Variants in CEMIP2 observed in about 807,000 individuals in gnomAD.
CEMIP2 encodes the protein cell migration inducing hyaluronidase 2.
In CEMIP2, 79 loss-of-function variants were observed where a neutral mutation model predicts 146.9. That is an observed-to-expected ratio of 0.54 (90% CI 0.45 to 0.65). The LOEUF is 0.65. Among genes scored for constraint, CEMIP2 ranks in the 30% least tolerant of loss-of-function variants. The pLI is 0.00. For missense variants in CEMIP2, 1,596 were observed against 1,696.2 expected (o/e 0.94, Z 1.04); for synonymous variants, 601 against 606.3 (o/e 0.99, Z 0.13).
chr9:71,759,872 G>A (rs1417678968), intron 1 of CEMIP2, among the ~76,000 whole-genome samples: 1 of 151,838 alleles, frequency 6.6e-6, no homozygotes, highest in Admixed American at 6.6e-5. Flanking sequence ...TGTAGTAGGG[G>A]AAAAGTCTCT....
At position 71,742,105 on chromosome 9, in the gene CEMIP2, A is replaced by C. The variant is rs368464653; in HGVS notation, c.1035-1873T>G. ...ATGTCAACTTCCCACTCTAGAAAAA[A>C]AATAACAAATGTAATCTGTGTCTGA... On this transcript the variant is annotated intron_variant, in intron 4 of 23. Transcript: ENST00000377044. 8.5e-5 allele frequency among the ~76,000 whole-genome samples: 13 copies of C among 152,338 alleles called. No homozygotes were observed. The East Asian group carries it at 9.6e-4, about 11-fold the overall frequency.
intron 17 of CEMIP2, among the ~76,000 whole-genome samples, chr9:71,707,418 C>A (rs1490591125): frequency 6.6e-6 from 1 of 151,936 alleles, no homozygotes; most frequent in Non-Finnish European, 1.5e-5. Flanking sequence ...CTAAAATAAA[C>A]CAGAAAGTCT....
intron 5 of CEMIP2, among the ~76,000 whole-genome samples, chr9:71,736,380 T>C (rs1223646492): frequency 6.6e-6 from 1 of 152,148 alleles, no homozygotes; most frequent in African/African-American, 2.4e-5. Flanking sequence ...GCAGGGTACA[T>C]TATTTACGTA....
intron 4 of CEMIP2, among the ~76,000 whole-genome samples, chr9:71,740,738 T>C (rs892774807): frequency 6.6e-6 from 1 of 152,226 alleles, no homozygotes; most frequent in Non-Finnish European, 1.5e-5. Context: ...ATTTGTAGTT[T>C]GCAATAATTT....
chr9:71,721,439 T>A (rs10117579), intron 12 of CEMIP2, among the ~76,000 whole-genome samples: 1 of 152,128 alleles, frequency 6.6e-6, no homozygotes, highest in African/African-American at 2.4e-5. Flanking sequence ...CACAGTTTCT[T>A]GGTTTCTCAA....
At chr9:71,738,416 G>T (rs1186035503) in intron 5 of CEMIP2, among the ~76,000 whole-genome samples, 1 of 152,092 alleles carries the variant, frequency 6.6e-6, no homozygotes, top group African/African-American at 2.4e-5. Context: ...TTGGGAGCCT[G>T]AGGCAGGAGA....
At chr9:71,737,941 G>A (rs546517069) in intron 5 of CEMIP2, among the ~76,000 whole-genome samples, 1 of 152,096 alleles carries the variant, frequency 6.6e-6, no homozygotes, top group African/African-American at 2.4e-5. Flanking sequence ...CAAAACAACC[G>A]TGAGAGACAG....
chr9:71,685,822 T>A lies in CEMIP2; in HGVS notation c.3876A>T (p.Arg1292Ser). The A allele has an allele frequency of 6.2e-7, 1 of 1,614,032 alleles. No homozygotes were observed. Among genetic ancestry groups the A allele is most frequent in the South Asian group, 1.1e-5 (1 of 91,082 alleles). The part of the protein sequence containing the change: ...PPRSIVLLST[R>S]GEIKQLNISH... ...AAATGTTTAACTGCTTTATTTCTCC[T>A]CTTGTGCTCAACAGAACAATGGACC... Residue 1292 changes from arginine (R) to serine (S), a missense_variant, in exon 23 of 24, where the codon AGA becomes AGT. Arg to Ser is a moderately radical substitution (Grantham distance 110). Coordinates refer to ENST00000377044, the MANE Select transcript of CEMIP2 (RefSeq NM_013390.3).
At chr9:71,744,712 T>C (rs1206774993) in intron 4 of CEMIP2, among the ~76,000 whole-genome samples, 2 of 152,190 alleles carry the variant, frequency 1.3e-5, no homozygotes, top group Non-Finnish European at 2.9e-5. Flanking sequence ...GGAAGAAGTA[T>C]CTTCAGAGGC....
chr9:71,750,399 A>G lies in CEMIP2; in HGVS notation c.-12-14T>C, dbSNP rs1001094244. ...GATACACTGTTACTGTGAAAAGAAAAAAAAATTAAGCTTCAGTATGTGTAA... is the reference window on the plus strand; with the variant it reads ...GATACACTGTTACTGTGAAAAGAAAGAAAAATTAAGCTTCAGTATGTGTAA... On this transcript the variant is annotated splice_polypyrimidine_tract_variant and intron_variant, in intron 1 of 23. Coordinates refer to ENST00000377044, the MANE Select transcript of CEMIP2 (RefSeq NM_013390.3). 1.3e-6 allele frequency: 2 copies of G among 1,527,090 alleles called. No homozygotes were observed. The highest frequency in any genetic ancestry group is 1.8e-6 in the Non-Finnish European group (2 of 1,136,502). 94.6% of individuals were successfully genotyped at this position (1,527,090 alleles called of 1,614,324 possible).
rs752365090 is a variant in CEMIP2, at chr9:71,745,008, G to A, written c.1034+10C>T. Reference sequence around the variant, plus strand: ...ACTCTGATAGGGATCTGGGAAGAAGGTATGCCTACCTGTAGCCCAGTCCTT... The same window carrying A: ...ACTCTGATAGGGATCTGGGAAGAAGATATGCCTACCTGTAGCCCAGTCCTT... On this transcript the variant is annotated intron_variant, in intron 4 of 23. Coordinates refer to ENST00000377044, the MANE Select transcript of CEMIP2 (RefSeq NM_013390.3). 1.8e-5 allele frequency: 29 copies of A among 1,609,426 alleles called. No homozygotes were observed. In the South Asian group the frequency reaches 2.3e-4, roughly 13 times the overall value.
At chr9:71,761,358 G>A (rs1313898705) in intron 1 of CEMIP2, among the ~76,000 whole-genome samples, 2 of 152,218 alleles carry the variant, frequency 1.3e-5, no homozygotes, top group African/African-American at 4.8e-5. Context: ...GCAAAGACCT[G>A]CCAAAGTTCA....
intron 21 of CEMIP2, among the ~76,000 whole-genome samples, chr9:71,693,959 C>G (rs1160247110): frequency 6.6e-6 from 1 of 152,150 alleles, no homozygotes; most frequent in African/African-American, 2.4e-5. Context: ...GAGAGAGACC[C>G]CTGGACCGTT....
intron 1 of CEMIP2, among the ~76,000 whole-genome samples, chr9:71,757,072 A>C (rs1232159814): frequency 6.6e-6 from 1 of 152,198 alleles, no homozygotes; most frequent in Non-Finnish European, 1.5e-5. Flanking sequence ...TATCACTTAC[A>C]TGGTGGTTGA....
At chr9:71,717,393 GA>G (rs34688485) in intron 13 of CEMIP2, among the ~76,000 whole-genome samples, 1 of 149,828 alleles carries the variant, frequency 6.7e-6, no homozygotes, top group East Asian at 2.0e-4. Context: ...TTCAGTGCCA[GA>G]AAAAAAAATA....
intron 16 of CEMIP2, among the ~76,000 whole-genome samples, chr9:71,710,400 T>A (rs1411550883): frequency 6.6e-6 from 1 of 152,182 alleles, no homozygotes; most frequent in East Asian, 1.9e-4. Flanking sequence ...AACTGTGACG[T>A]CTAGGACAAG....
At chr9:71,716,596 T>A in intron 13 of CEMIP2, 44 bp from the exon 14 acceptor site, 1 of 1,476,476 alleles carries the variant, frequency 6.8e-7, no homozygotes, top group African/African-American at 1.4e-5. Flanking sequence ...TTTACCATAT[T>A]ATGTAAAAAG....
chr9:71,750,518 C>T (rs1219412703), intron 1 of CEMIP2, 133 bp from the exon 2 acceptor site: 6 of 653,414 alleles, frequency 9.2e-6, no homozygotes, highest in African/African-American at 5.6e-5. Flanking sequence ...CTCGGCTCAC[C>T]GCCACCTCTG....
chr9:71,720,763 T>C (rs987870052), intron 12 of CEMIP2, among the ~76,000 whole-genome samples: 4 of 152,230 alleles, frequency 2.6e-5, no homozygotes, highest in African/African-American at 9.6e-5. Context: ...GTCTAAACAC[T>C]AGTTCAGTAT....
Sources: allele counts gnomAD v4.1 joint callset (sites outside exome capture counted in the v4.1 genomes callset), GRCh38; gene constraint gnomAD v4.1.1; transcripts MANE v1.5; gene names NCBI Gene and HGNC (gene_info 2026-07-23, HGNC 2026-07-21).